RPL37: variants seen among roughly 807,000 people sequenced by gnomAD.
RPL37 encodes the protein ribosomal protein L37.
Under a neutral mutation model 14.8 loss-of-function variants are expected in RPL37, and 1 was observed. The ratio of observed to expected loss-of-function variants is 0.07; its 90% CI spans 0.02 to 0.32. RPL37 has a LOEUF of 0.32. Among genes scored for constraint, RPL37 ranks in the 10% least tolerant of loss-of-function variants. The pLI is 1.00. For synonymous variants in RPL37, 53 were observed against 45.8 expected, an observed-to-expected ratio of 1.16 and a Z score of -0.63; for missense variants, 100 against 128.3, an observed-to-expected ratio of 0.78 and a Z score of 1.06.
At chr5:40,833,739 T>C (rs994449886) in intron 3 of RPL37, 2 of 160,132 alleles carry the variant, frequency 1.2e-5, no homozygotes, top group African/African-American at 5.4e-5. Flanking sequence ...TTTATACTAC[T>C]GTTTAGTGAA....
rs1462754897 is a variant in RPL37, at chr5:40,826,385, TAA to T, written c.*6117_*6118del. On this transcript the variant is annotated 3_prime_UTR_variant, in exon 4 of 4. Transcript: ENST00000274242. ...TTTTTTATATCCCAGCCCTCCCATGTAAGACTGGTCATTTTTTAGAATCCTCA... is the reference window on the plus strand; with the variant it reads ...TTTTTTATATCCCAGCCCTCCCATGTGACTGGTCATTTTTTAGAATCCTCA... The T allele has an allele frequency of 6.6e-6, 1 of 152,194 alleles. No homozygotes were observed. Among genetic ancestry groups the T allele is most frequent in the African/African-American group, 2.4e-5 (1 of 41,452 alleles). 9.4% of individuals were successfully genotyped at this position (152,194 alleles called of 1,614,324 possible).
chr5:40,834,251 T>C lies in RPL37; in HGVS notation c.154A>G (p.Lys52Glu). The change falls in exon 3 of 4, where the codon AAG becomes GAG. Residue 52 changes from lysine to glutamate, a missense_variant. Lys to Glu is a moderately conservative substitution (Grantham distance 56). Transcript: ENST00000274242. ...CCGGTGGTATTTCGTCTTTTAGCCTTGGCACTCCAGTTATCTAAAACATAA... is the reference window on the plus strand; with the variant it reads ...CCGGTGGTATTTCGTCTTTTAGCCTCGGCACTCCAGTTATCTAAAACATAA... ...KRKRKYNWSA[K>E]AKRRNTTGTG... The C allele has an allele frequency of 6.2e-7, 1 of 1,614,104 alleles. No individual in the cohort carries two copies. The highest frequency in any genetic ancestry group is 8.5e-7 in the Non-Finnish European group (1 of 1,179,920).
Position 40,827,234 on chromosome 5 carries a change from C to T in RPL37, c.*5270G>A, listed in dbSNP as rs1482456352. ...AAGCCAGCCAGCCAAGGAAGAACTA[C>T]CCTATCTCCTCACTCCTCACCTTTT... On this transcript the variant is annotated 3_prime_UTR_variant, in exon 4 of 4. Coordinates refer to ENST00000274242, the MANE Select transcript of RPL37 (RefSeq NM_000997.5). 1.3e-5 allele frequency: 2 copies of T among 152,224 alleles called. No homozygotes were observed. The highest frequency in any genetic ancestry group is 2.9e-5 in the Non-Finnish European group (2 of 68,098). The allele number at this position is 152,224 out of a possible 1,614,324, so 9.4% of individuals were successfully genotyped here.
chr5:40,833,319 GC>G lies in RPL37; in HGVS notation c.225-747del, dbSNP rs775583300. The stretch of plus-strand genomic sequence containing the variant: ...CAATCCCACCACAAAGAATTATCCA[GC>G]CCAAAGTATCAATAGCTGAGAATTG... On this transcript the variant is annotated intron_variant, in intron 3 of 3. Coordinates refer to ENST00000274242, the MANE Select transcript of RPL37 (RefSeq NM_000997.5). Among the ~76,000 whole-genome samples the G allele has an allele frequency of 5.9e-5, 9 of 152,288 alleles. No homozygotes were observed. The South Asian group carries it at 8.3e-4, about 14-fold the overall frequency.
intron 3 of RPL37, chr5:40,832,835 C>A: frequency 2.0e-6 from 1 of 488,668 alleles, no homozygotes; most frequent in Non-Finnish European, 3.8e-6. Flanking sequence ...AGTCATTGGG[C>A]CAGTATGTTT....
chr5:40,832,485 T>G lies in RPL37; in HGVS notation c.*19A>C. 6.2e-7 allele frequency: 1 copy of G among 1,604,442 alleles called. No homozygotes were observed. Among genetic ancestry groups the G allele is most frequent in the East Asian group, 2.2e-5 (1 of 44,836 alleles). On this transcript the variant is annotated 3_prime_UTR_variant, in exon 4 of 4. Coordinates refer to ENST00000274242, the MANE Select transcript of RPL37 (RefSeq NM_000997.5). ...TTTTAAAACCAGAACATTTATTGCA[T>G]GACTAATCGTTGACATTCTTAAGAT...
chr5:40,830,787 A>G lies in RPL37; in HGVS notation c.*1717T>C, dbSNP rs896353486. ...CAGGATTACAGCCGTGAGCCACCACACCGGCCTCAAGGGTTGTTTATATGG... is the reference window on the plus strand; with the variant it reads ...CAGGATTACAGCCGTGAGCCACCACGCCGGCCTCAAGGGTTGTTTATATGG... On this transcript the variant is annotated 3_prime_UTR_variant, in exon 4 of 4. Coordinates refer to ENST00000274242, the MANE Select transcript of RPL37 (RefSeq NM_000997.5). 6 of 151,000 alleles carry G rather than the reference A, an allele frequency of 4.0e-5. No individual in the cohort carries two copies. Among genetic ancestry groups the G allele is most frequent in the African/African-American group, 1.5e-4 (6 of 41,084 alleles). 9.4% of individuals were successfully genotyped at this position (151,000 alleles called of 1,614,324 possible). A position where few individuals can be genotyped will look rare whatever the true frequency, so the allele number is the denominator to read the frequency against.
chr5:40,830,404 C>T lies in RPL37; in HGVS notation c.*2100G>A, dbSNP rs942682978. The T allele has an allele frequency of 1.3e-5, 2 of 151,984 alleles. No homozygotes were observed. The highest frequency in any genetic ancestry group is 2.9e-5 in the Non-Finnish European group (2 of 68,020). 9.4% of individuals were successfully genotyped at this position (151,984 alleles called of 1,614,324 possible). On this transcript the variant is annotated 3_prime_UTR_variant, in exon 4 of 4. Coordinates refer to ENST00000274242, the MANE Select transcript of RPL37 (RefSeq NM_000997.5). ...AGAGGATCACTTGAAACCAGGAGTC[C>T]AAGACCAGCCTGGGCAACATAGTTT... is the stretch of plus-strand genomic sequence containing the variant.
Position 40,828,153 on chromosome 5 carries a change from A to G in RPL37, c.*4351T>C, listed in dbSNP as rs1300395534. ...AACTCTGCAAGCAACCCAAAACTCA[A>G]AAAGGGCTGAATGATAAGTCATTCA... On this transcript the variant is annotated 3_prime_UTR_variant, in exon 4 of 4. Transcript: ENST00000274242. 6.6e-6 allele frequency: 1 copy of G among 152,148 alleles called. No individual in the cohort carries two copies. The highest frequency in any genetic ancestry group is 1.5e-5 in the Non-Finnish European group (1 of 68,028). The allele number at this position is 152,148 out of a possible 1,614,324, so 9.4% of individuals were successfully genotyped here. A position where few individuals can be genotyped will look rare whatever the true frequency, so the allele number is the denominator to read the frequency against.
At chr5:40,833,645 G>A (rs935557159) in intron 3 of RPL37, among the ~76,000 whole-genome samples, 4 of 152,124 alleles carry the variant, frequency 2.6e-5, no homozygotes, top group Non-Finnish European at 5.9e-5. Flanking sequence ...ATTCACTACT[G>A]TCTTGACAAA....
chr5:40,834,995 C>G, intron 1 of RPL37, 188 bp downstream of exon 1: 2 of 744,846 alleles, frequency 2.7e-6, no homozygotes, highest in Non-Finnish European at 4.5e-6. Flanking sequence ...ACCACAATTA[C>G]GGCGGGATAG....
In RPL37 at chr5:40,829,035, C is replaced by G. The variant is rs146398669; in HGVS notation, c.*3469G>C. 3 of 152,292 alleles carry G rather than the reference C, an allele frequency of 2.0e-5. No individual in the cohort carries two copies. Among genetic ancestry groups the G allele is most frequent in the East Asian group, 3.9e-4 (2 of 5,186 alleles). 9.4% of individuals were successfully genotyped at this position (152,292 alleles called of 1,614,324 possible). A position where few individuals can be genotyped will look rare whatever the true frequency, so the allele number is the denominator to read the frequency against. The stretch of plus-strand genomic sequence containing the variant: ...GTCAAGGATAGTTACTGAAGTTCAT[C>G]GATGAACTCAAGCCCTCTTGCTTAC... On this transcript the variant is annotated 3_prime_UTR_variant, in exon 4 of 4. Transcript: ENST00000274242.
In RPL37 at chr5:40,826,532, AAC is replaced by A. The variant is rs1310125453; in HGVS notation, c.*5970_*5971del. ...AAGGAGTTACTACCTTCTACTTTGA[AAC>A]CCAGTGAAAGGAACTTCAAGGAAGC... On this transcript the variant is annotated 3_prime_UTR_variant, in exon 4 of 4. Transcript: ENST00000274242. 6 of 126,956 alleles carry A rather than the reference AAC, an allele frequency of 4.7e-5. No homozygotes were observed. Among genetic ancestry groups the A allele is most frequent in the Non-Finnish European group, 9.2e-5 (5 of 54,162 alleles). The allele number at this position is 126,956 out of a possible 1,614,324, so 7.9% of individuals were successfully genotyped here. A position where few individuals can be genotyped will look rare whatever the true frequency, so the allele number is the denominator to read the frequency against.
Position 40,830,915 on chromosome 5 carries a change from C to A in RPL37, c.*1589G>T, listed in dbSNP as rs1745627982. On this transcript the variant is annotated 3_prime_UTR_variant, in exon 4 of 4. Transcript: ENST00000274242. ...CAGCAACTCAGCTGTCTTTCAAGGT[C>A]ATTGTTCAATCTTCAACAGACTATC... 1 of 151,952 alleles carries A rather than the reference C, an allele frequency of 6.6e-6. No homozygotes were observed. Among genetic ancestry groups the A allele is most frequent in the Non-Finnish European group, 1.5e-5 (1 of 68,004 alleles). The allele number at this position is 151,952 out of a possible 1,614,324, so 9.4% of individuals were successfully genotyped here. A position where few individuals can be genotyped will look rare whatever the true frequency, so the allele number is the denominator to read the frequency against.
rs1365628972 is a variant in RPL37 at position 40,829,970 on chromosome 5, C to T, written c.*2534G>A. ...GACTATAGGACGTGAGCTACCGTAC[C>T]CGGCCGCCACAGATTCAACCTTTCT... On this transcript the variant is annotated 3_prime_UTR_variant, in exon 4 of 4. Transcript: ENST00000274242. 1 of 152,030 alleles carries T rather than the reference C, an allele frequency of 6.6e-6. No homozygotes were observed. Among genetic ancestry groups the T allele is most frequent in the East Asian group, 1.9e-4 (1 of 5,188 alleles). 9.4% of individuals were successfully genotyped at this position (152,030 alleles called of 1,614,324 possible). A position where few individuals can be genotyped will look rare whatever the true frequency, so the allele number is the denominator to read the frequency against.
In RPL37 at chr5:40,832,800, G is replaced by T; in HGVS notation, c.225-227C>A. The T allele has an allele frequency of 4.9e-6, 3 of 611,680 alleles. No individual in the cohort carries two copies. The Admixed American group carries it at 6.6e-5, about 14-fold the overall frequency. 37.9% of individuals were successfully genotyped at this position (611,680 alleles called of 1,614,324 possible). A position where few individuals can be genotyped will look rare whatever the true frequency, so the allele number is the denominator to read the frequency against. On this transcript the variant is annotated intron_variant, in intron 3 of 3. Coordinates refer to ENST00000274242, the MANE Select transcript of RPL37 (RefSeq NM_000997.5). The stretch of plus-strand genomic sequence containing the variant: ...ATAGTTAACTGCAACTGCAATAAAG[G>T]CTCAAAAACTTATTTGGCTATACTA...
rs1400656379 is a variant in RPL37, at chr5:40,830,660, CT to C, written c.*1843del. ...TACAGGCACATGCCACCACACCCAG[CT>C]AATTTTTGTATTTTTAGTAGAGTTG... is the stretch of plus-strand genomic sequence containing the variant. On this transcript the variant is annotated 3_prime_UTR_variant, in exon 4 of 4. Transcript: ENST00000274242. The C allele has an allele frequency of 6.6e-6, 1 of 152,072 alleles. No individual in the cohort carries two copies. Among genetic ancestry groups the C allele is most frequent in the African/African-American group, 2.4e-5 (1 of 41,358 alleles). 9.4% of individuals were successfully genotyped at this position (152,072 alleles called of 1,614,324 possible).
In RPL37 at chr5:40,832,066, T is replaced by C. The variant is rs1369375303; in HGVS notation, c.*438A>G. The C allele has an allele frequency of 5.7e-6, 1 of 176,368 alleles. No individual in the cohort carries two copies. The highest frequency in any genetic ancestry group is 2.4e-5 in the African/African-American group (1 of 42,402). 10.9% of individuals were successfully genotyped at this position (176,368 alleles called of 1,614,324 possible). A position where few individuals can be genotyped will look rare whatever the true frequency, so the allele number is the denominator to read the frequency against. On this transcript the variant is annotated 3_prime_UTR_variant, in exon 4 of 4. Coordinates refer to ENST00000274242, the MANE Select transcript of RPL37 (RefSeq NM_000997.5). ...AGCCACCTAAACTCCTACCCATACG[T>C]TTCCAGTGGTACTCCCAAGCTCTAT...
rs1410636436 is a variant in RPL37, at chr5:40,828,222, C to G, written c.*4282G>C. ...GCTCCTTATCATTCAACTTAACCAA[C>G]CTTCTAAAGGTTCCTCCATCCCCAC... On this transcript the variant is annotated 3_prime_UTR_variant, in exon 4 of 4. Transcript: ENST00000274242. The G allele has an allele frequency of 3.9e-5, 6 of 152,192 alleles. No individual in the cohort carries two copies. The East Asian group carries it at 7.7e-4, about 20-fold the overall frequency. The allele number at this position is 152,192 out of a possible 1,614,324, so 9.4% of individuals were successfully genotyped here.
Sources: allele counts gnomAD v4.1 joint callset (sites outside exome capture counted in the v4.1 genomes callset), GRCh38; gene constraint gnomAD v4.1.1; transcripts MANE v1.5; gene names NCBI Gene and HGNC (gene_info 2026-07-23, HGNC 2026-07-21).